IMMP2L: variants seen among roughly 807,000 people sequenced by gnomAD.
IMMP2L encodes the protein mitochondrial inner membrane protease subunit 2.
IMMP2L carries 18 observed loss-of-function variants against 19.3 expected under a neutral mutation model. The observed-to-expected ratio is 0.93, with a 90% CI of 0.64 to 1.38. IMMP2L has a LOEUF of 1.38. Ranked by LOEUF, IMMP2L falls within the 40% of genes most tolerant of loss-of-function variation. The pLI is 0.00. For missense variants in IMMP2L, 233 were observed against 218.2 expected, an observed-to-expected ratio of 1.07 and a Z score of -0.43; for synonymous variants, 76 against 73.0, an observed-to-expected ratio of 1.04 and a Z score of -0.21.
chr7:111,545,929 A>G (rs1848892209), intron 1 of IMMP2L, among the ~76,000 whole-genome samples: 1 of 152,136 alleles, frequency 6.6e-6, no homozygotes, highest in Non-Finnish European at 1.5e-5. Context: ...CCCTCCAGAA[A>G]TATTCTATGC....
intron 3 of IMMP2L, among the ~76,000 whole-genome samples, chr7:111,274,506 C>G (rs1397785386): frequency 6.6e-6 from 1 of 152,144 alleles, no homozygotes. Context: ...TTCTGATAGG[C>G]TATTGTTAGA....
At chr7:110,704,896 C>T in intron 5 of IMMP2L, among the ~76,000 whole-genome samples, 1 of 152,250 alleles carries the variant, frequency 6.6e-6, no homozygotes, top group East Asian at 1.9e-4. Flanking sequence ...CATCCCACAG[C>T]ATATGCCAAA....
chr7:110,802,600 G>T (rs1404173947), intron 5 of IMMP2L, among the ~76,000 whole-genome samples: 1 of 151,916 alleles, frequency 6.6e-6, no homozygotes, highest in African/African-American at 2.4e-5. Flanking sequence ...ATAAGATACG[G>T]TCTTCTATTC....
intron 5 of IMMP2L, among the ~76,000 whole-genome samples, chr7:110,747,679 C>T (rs1797443628): frequency 6.6e-6 from 1 of 152,132 alleles, no homozygotes; most frequent in Non-Finnish European, 1.5e-5. Flanking sequence ...GCAGAAAAAG[C>T]CTTCGAAAAA....
At chr7:111,274,563 G>C (rs1191689099) in intron 3 of IMMP2L, among the ~76,000 whole-genome samples, 1 of 152,070 alleles carries the variant, frequency 6.6e-6, no homozygotes, top group East Asian at 1.9e-4. Flanking sequence ...AAGACACATA[G>C]CAGGTTATCT....
At chr7:110,873,429 CAAAAAAAAAAAAAA>C (rs60827428) in intron 5 of IMMP2L, among the ~76,000 whole-genome samples, 2 of 28,958 alleles carry the variant, frequency 6.9e-5, no homozygotes, top group Non-Finnish European at 1.4e-4. Flanking sequence ...GACTCTATCT[CAAAAAAAAAAAAAA>C]AAAAAAAAAA....
At position 110,663,139 on chromosome 7, in the gene IMMP2L, T is replaced by C. The variant is rs1791196219; in HGVS notation, c.*463A>G. 1 of 168,204 alleles carries C rather than the reference T, an allele frequency of 5.9e-6. No individual in the cohort carries two copies. Among genetic ancestry groups the C allele is most frequent in the African/African-American group, 2.4e-5 (1 of 41,520 alleles). 10.4% of individuals were successfully genotyped at this position (168,204 alleles called of 1,614,324 possible). A position where few individuals can be genotyped will look rare whatever the true frequency, so the allele number is the denominator to read the frequency against. On this transcript the variant is annotated 3_prime_UTR_variant, in exon 6 of 6. Transcript: ENST00000405709. The stretch of plus-strand genomic sequence containing the variant: ...TTTGTAGATAGTACAAATCACAATG[T>C]AATTCCCATCATTATGTGTATAATA...
intron 3 of IMMP2L, among the ~76,000 whole-genome samples, chr7:111,396,490 G>C (rs550767800): frequency 7.9e-5 from 12 of 152,106 alleles, no homozygotes; most frequent in Admixed American, 7.2e-4. Context: ...TCACACACCA[G>C]GGCCTGTGGA....
chr7:110,919,171 C>G (rs1228953808), intron 4 of IMMP2L, among the ~76,000 whole-genome samples: 2 of 151,410 alleles, frequency 1.3e-5, no homozygotes, highest in East Asian at 3.9e-4. Flanking sequence ...ATGACTTTCC[C>G]TTTTCAGTAT....
At chr7:110,944,378 T>A (rs116563524) in intron 4 of IMMP2L, among the ~76,000 whole-genome samples, 1 of 151,840 alleles carries the variant, frequency 6.6e-6, no homozygotes, top group Admixed American at 6.6e-5. Flanking sequence ...ACATTCAGGA[T>A]AAAACATGAA....
At chr7:111,183,759 C>G (rs187759477) in intron 3 of IMMP2L, among the ~76,000 whole-genome samples, 15 of 152,130 alleles carry the variant, frequency 9.9e-5, no homozygotes, top group Admixed American at 1.3e-4. Flanking sequence ...CCCTTTAACT[C>G]AAAGGGGCAA....
chr7:111,376,414 G>A (rs1199625525), intron 3 of IMMP2L, among the ~76,000 whole-genome samples: 1 of 152,034 alleles, frequency 6.6e-6, no homozygotes, highest in East Asian at 1.9e-4. Context: ...CAGTGTTGAT[G>A]AAGATACGGA....
At chr7:110,895,196 T>C (rs943313875) in intron 4 of IMMP2L, among the ~76,000 whole-genome samples, 1 of 152,146 alleles carries the variant, frequency 6.6e-6, no homozygotes, top group Non-Finnish European at 1.5e-5. Context: ...TCAGATCTCA[T>C]GAGACTCATT....
intron 3 of IMMP2L, among the ~76,000 whole-genome samples, chr7:111,024,137 T>C (rs80032344): frequency 0.024 from 3,618 of 152,306 alleles, 124 homozygotes; most frequent in African/African-American, 0.081. Flanking sequence ...GAAGCAAAGA[T>C]AGGTAAAATT....
In IMMP2L at chr7:110,682,615, A is replaced by G. The variant is rs532005400; in HGVS notation, c.409-18894T>C. 3.3e-5 allele frequency among the ~76,000 whole-genome samples: 5 copies of G among 152,150 alleles called. No individual in the cohort carries two copies. The South Asian group carries it at 8.3e-4, about 25-fold the overall frequency. On this transcript the variant is annotated intron_variant, in intron 5 of 5. Coordinates refer to ENST00000405709, the MANE Select transcript of IMMP2L (RefSeq NM_032549.4). ...ACCCGCCTGGAAAGATGGTAATGCCATGAACAGTCACGGGATCACAGTACA... is the reference window on the plus strand; with the variant it reads ...ACCCGCCTGGAAAGATGGTAATGCCGTGAACAGTCACGGGATCACAGTACA...
intron 3 of IMMP2L, among the ~76,000 whole-genome samples, chr7:111,234,576 G>T (rs1004160311): frequency 6.6e-6 from 1 of 151,934 alleles, no homozygotes; most frequent in East Asian, 1.9e-4. Context: ...AATCATGATT[G>T]GATTTGAATC....
At chr7:110,892,509 A>T (rs1388085454) in intron 4 of IMMP2L, among the ~76,000 whole-genome samples, 1 of 152,078 alleles carries the variant, frequency 6.6e-6, no homozygotes, top group Non-Finnish European at 1.5e-5. Flanking sequence ...CGCTCCTATT[A>T]ATCTGCCTTT....
rs1288770906 is a variant in IMMP2L, at chr7:111,124,086, C to T, written c.240-160521G>A. 4 of 1,613,858 alleles carry T rather than the reference C, an allele frequency of 2.5e-6. No individual in the cohort carries two copies. In the Admixed American group the frequency reaches 5.0e-5, roughly 20 times the overall value. The stretch of plus-strand genomic sequence containing the variant: ...CTAATCTAAATGTAGAAGCTGGGAG[C>T]TATGTTTCCTTTCACTGTAGAGCTA... On this transcript the variant is annotated intron_variant, in intron 3 of 5. Coordinates refer to ENST00000405709, the MANE Select transcript of IMMP2L (RefSeq NM_032549.4).
intron 1 of IMMP2L, among the ~76,000 whole-genome samples, chr7:111,523,824 T>C (rs138765491): frequency 3.5e-4 from 54 of 152,262 alleles, no homozygotes; most frequent in African/African-American, 1.2e-3. Context: ...CGAGCAGTCT[T>C]AACCACTATA....
Sources: allele counts gnomAD v4.1 joint callset (sites outside exome capture counted in the v4.1 genomes callset), GRCh38; gene constraint gnomAD v4.1.1; transcripts MANE v1.5; gene names NCBI Gene and HGNC (gene_info 2026-07-23, HGNC 2026-07-21).